Variants in XIRP2 observed in about 807,000 individuals in gnomAD.
XIRP2 encodes the protein xin actin-binding repeat-containing protein 2.
In XIRP2, 236 loss-of-function variants were observed where a neutral mutation model predicts 277.0. The observed-to-expected ratio is 0.85, with a 90% confidence interval of 0.77 to 0.95. XIRP2 has a LOEUF of 0.95. Among genes scored for constraint, XIRP2 ranks in the 40% least tolerant of loss-of-function variants. The pLI is 0.00. For missense variants in XIRP2, 4,640 were observed against 4,157.5 expected (o/e 1.12, Z -3.19); for synonymous variants, 1,490 against 1,416.5 (o/e 1.05, Z -1.17).
chr2:166,901,781 T>C (rs535562996), intron 1 of XIRP2, among the ~76,000 whole-genome samples: 1 of 152,208 alleles, frequency 6.6e-6, no homozygotes, highest in East Asian at 1.9e-4. Flanking sequence ...TTTATTGAGA[T>C]TTTTTATAAT....
At chr2:166,906,618 AC>A (rs1684531554) in intron 2 of XIRP2, among the ~76,000 whole-genome samples, 2 of 152,064 alleles carry the variant, frequency 1.3e-5, no homozygotes, top group African/African-American at 4.8e-5. Context: ...GTTTGGTCAG[AC>A]AAACATTTAT....
Position 167,248,115 on chromosome 2 carries a change from G to A in XIRP2, c.6723G>A (p.Lys2241=). 6.2e-7 allele frequency: 1 copy of A among 1,613,202 alleles called. No homozygotes were observed. Among genetic ancestry groups the A allele is most frequent in the East Asian group, 2.2e-5 (1 of 44,824 alleles). Residue 2241 remains lysine (K), a synonymous_variant, in exon 9 of 11, where the codon AAG becomes AAA. Coordinates refer to ENST00000409195, the MANE Select transcript of XIRP2 (RefSeq NM_152381.6). ...SHNTFKATNK[K]RETDVHLKSQ... ...ATACATTTAAGGCAACCAACAAAAAGCGGGAGACTGATGTTCACTTGAAAA... is the reference window on the plus strand; with the variant it reads ...ATACATTTAAGGCAACCAACAAAAAACGGGAGACTGATGTTCACTTGAAAA...
At chr2:167,108,834 T>G (rs973614208) in intron 2 of XIRP2, among the ~76,000 whole-genome samples, 1 of 134,322 alleles carries the variant, frequency 7.4e-6, no homozygotes, top group Non-Finnish European at 1.6e-5. Context: ...TTTTGTTGTG[T>G]TTTTTTTTTG....
intron 1 of XIRP2, among the ~76,000 whole-genome samples, chr2:166,892,303 G>A (rs1318266585): frequency 2.0e-5 from 3 of 152,076 alleles, no homozygotes; most frequent in African/African-American, 7.2e-5. Context: ...TGTTTAAAGG[G>A]CCTCAGAAAA....
intron 2 of XIRP2, among the ~76,000 whole-genome samples, chr2:167,109,041 G>T (rs904429574): frequency 2.1e-4 from 32 of 151,736 alleles, no homozygotes; most frequent in African/African-American, 7.5e-4. Context: ...CCTCAAGTAG[G>T]CCCCAGTGTC....
At chr2:166,955,290 C>T (rs1258028336) in intron 2 of XIRP2, among the ~76,000 whole-genome samples, 5 of 151,610 alleles carry the variant, frequency 3.3e-5, no homozygotes, top group Non-Finnish European at 5.9e-5. Flanking sequence ...AAACCCTATG[C>T]TAAGTGAAAA....
At chr2:167,056,920 T>C (rs1162883829) in intron 2 of XIRP2, among the ~76,000 whole-genome samples, 1 of 152,120 alleles carries the variant, frequency 6.6e-6, no homozygotes, top group African/African-American at 2.4e-5. Context: ...CTCCTGTGCT[T>C]CTTTGGGAGT....
At chr2:167,077,920 C>A (rs933618430) in intron 2 of XIRP2, among the ~76,000 whole-genome samples, 1 of 152,140 alleles carries the variant, frequency 6.6e-6, no homozygotes, top group Non-Finnish European at 1.5e-5. Context: ...ATGCCTCTGG[C>A]TTTTTTCTTT....
At chr2:166,989,200 C>A (rs1485189808) in intron 2 of XIRP2, among the ~76,000 whole-genome samples, 2 of 103,156 alleles carry the variant, frequency 1.9e-5, no homozygotes, top group Non-Finnish European at 3.5e-5. Flanking sequence ...AGGCACCCCC[C>A]AGCAGGGGCA....
At position 166,974,311 on chromosome 2, in the gene XIRP2, G is replaced by A. The variant is rs116854717; in HGVS notation, c.408+70421G>A. Among the ~76,000 whole-genome samples the A allele has an allele frequency of 2.4e-4, 36 of 152,150 alleles. No homozygotes were observed. The East Asian group carries it at 7.0e-3, about 29-fold the overall frequency. Reference sequence around the variant, plus strand: ...TCAGTATGAAGAAAAATGACACCGAGTAGAAACAATGCTCTAGAAAAAGGA... The same window carrying A: ...TCAGTATGAAGAAAAATGACACCGAATAGAAACAATGCTCTAGAAAAAGGA... On this transcript the variant is annotated intron_variant, in intron 2 of 10. Coordinates refer to ENST00000409195, the MANE Select transcript of XIRP2 (RefSeq NM_152381.6).
chr2:166,976,380 T>C (rs553670661), intron 2 of XIRP2, among the ~76,000 whole-genome samples: 1 of 152,366 alleles, frequency 6.6e-6, no homozygotes, highest in African/African-American at 2.4e-5. Flanking sequence ...CTGTCTTGTT[T>C]CTTGCTTTGC....
intron 2 of XIRP2, among the ~76,000 whole-genome samples, chr2:167,087,632 T>G (rs769015521): frequency 6.6e-5 from 10 of 152,216 alleles, no homozygotes; most frequent in Non-Finnish European, 1.3e-4. Flanking sequence ...AGGTGCGGGA[T>G]ATAATCTCGT....
At chr2:166,908,253 T>A (rs935710302) in intron 2 of XIRP2, among the ~76,000 whole-genome samples, 5 of 152,188 alleles carry the variant, frequency 3.3e-5, no homozygotes, top group Admixed American at 6.5e-5. Context: ...TGTTCCTATT[T>A]CTCTATGTCC....
At position 167,248,828 on chromosome 2, in the gene XIRP2, A is replaced by T. The variant is rs960754252; in HGVS notation, c.7436A>T (p.Gln2479Leu). 2.5e-6 allele frequency: 4 copies of T among 1,613,204 alleles called. No individual in the cohort carries two copies. The highest frequency in any genetic ancestry group is 3.4e-6 in the Non-Finnish European group (4 of 1,179,358). Residue 2479 changes from glutamine to leucine, a missense_variant, in exon 9 of 11, where the codon CAG becomes CTG. Coordinates refer to ENST00000409195, the MANE Select transcript of XIRP2 (RefSeq NM_152381.6). ...AGCAGTGAACACACGGAGACAAAGC[A>T]GAACGTTATTAGTAAGAGTCTTGAT... Reference protein sequence around the residue: ...MTSSEHTETKQNVISKSLDER... With the variant: ...MTSSEHTETKLNVISKSLDER...
intron 2 of XIRP2, among the ~76,000 whole-genome samples, chr2:167,007,366 A>G (rs1216057160): frequency 6.6e-6 from 1 of 151,708 alleles, no homozygotes; most frequent in African/African-American, 2.4e-5. Flanking sequence ...TTCTTTGTAT[A>G]TAACAAAATG....
At chr2:166,979,369 CTTTTTTTTTT>C (rs66909002) in intron 2 of XIRP2, among the ~76,000 whole-genome samples, 1 of 108,524 alleles carries the variant, frequency 9.2e-6, no homozygotes, top group African/African-American at 3.4e-5. Context: ...CTTTTCTTTT[CTTTTTTTTTT>C]TTTTTTTTGC....
At chr2:166,896,160 C>T (rs962218200) in intron 1 of XIRP2, among the ~76,000 whole-genome samples, 12 of 152,032 alleles carry the variant, frequency 7.9e-5, no homozygotes, top group South Asian at 2.1e-4. Context: ...AAGAATATAA[C>T]GGAGGAAAAA....
intron 2 of XIRP2, among the ~76,000 whole-genome samples, chr2:166,998,446 G>A (rs537644277): frequency 1.2e-4 from 18 of 152,108 alleles, no homozygotes; most frequent in Non-Finnish European, 2.4e-4. Context: ...GACCATCCTG[G>A]CTAACACAGC....
intron 10 of XIRP2, among the ~76,000 whole-genome samples, chr2:167,254,672 T>A (rs192497368): frequency 6.3e-4 from 95 of 151,890 alleles, no homozygotes; most frequent in African/African-American, 2.3e-3. Flanking sequence ...CCAAAACAAG[T>A]GGTGGGTAGG....
Sources: allele counts gnomAD v4.1 joint callset (sites outside exome capture counted in the v4.1 genomes callset), GRCh38; gene constraint gnomAD v4.1.1; transcripts MANE v1.5; gene names NCBI Gene and HGNC (gene_info 2026-07-23, HGNC 2026-07-21).